ENY2: variants seen among roughly 807,000 people sequenced by gnomAD.
The protein encoded by ENY2 is ENY2 transcription and export complex 2 subunit.
In ENY2, 4 loss-of-function variants were observed where a neutral mutation model predicts 15.9. That is an observed-to-expected ratio of 0.25 (90% confidence interval 0.12 to 0.57). The LOEUF (loss-of-function observed/expected upper bound fraction) is 0.57, where lower values mean the gene tolerates loss of function less well. Among genes scored for constraint, ENY2 ranks in the 20% least tolerant of loss-of-function variants. ENY2 has a pLI of 0.91. For synonymous variants in ENY2, 48 were observed against 38.0 expected, an observed-to-expected ratio of 1.26 and a Z score of -0.97; for missense variants, 54 against 117.2, an observed-to-expected ratio of 0.46 and a Z score of 2.49.
Position 109,343,688 on chromosome 8 carries a change from A to G in ENY2, c.*207A>G, listed in dbSNP as rs569546135. 5 of 498,402 alleles carry G rather than the reference A, an allele frequency of 1.0e-5. No homozygotes were observed. Among genetic ancestry groups the G allele is most frequent in the African/African-American group, 8.0e-5 (4 of 50,162 alleles). 30.9% of individuals were successfully genotyped at this position (498,402 alleles called of 1,614,324 possible). On this transcript the variant is annotated 3_prime_UTR_variant, in exon 5 of 5. Coordinates refer to ENST00000521688, the MANE Select transcript of ENY2 (RefSeq NM_020189.6). ...GAGTTTGAAGTTTGCTTGGATTTTG[A>G]AATGAATGGGACTTTGTCTTTATTA...
Position 109,340,764 on chromosome 8 carries a change from T to C in ENY2, c.229+201T>C, listed in dbSNP as rs1018787306. 5 of 564,722 alleles carry C rather than the reference T, an allele frequency of 8.9e-6. No individual in the cohort carries two copies. The Admixed American group carries it at 1.0e-4, about 12-fold the overall frequency. The allele number at this position is 564,722 out of a possible 1,614,324, so 35.0% of individuals were successfully genotyped here. A position where few individuals can be genotyped will look rare whatever the true frequency, so the allele number is the denominator to read the frequency against. On this transcript the variant is annotated intron_variant, in intron 4 of 4. Coordinates refer to ENST00000521688, the MANE Select transcript of ENY2 (RefSeq NM_020189.6). Reference sequence around the variant, plus strand: ...ATACTAGGTTTCAGTGTTCTTGTACTCTAGAACAGTGCACCAATGCAAGTT... The same window carrying C: ...ATACTAGGTTTCAGTGTTCTTGTACCCTAGAACAGTGCACCAATGCAAGTT...
intron 4 of ENY2, chr8:109,342,568 G>A: frequency 1.8e-6 from 1 of 552,028 alleles, no homozygotes; most frequent in Non-Finnish European, 3.2e-6. Flanking sequence ...GGAGTGCGGT[G>A]GCATGATCAT....
rs1376501671 is a variant in ENY2, at chr8:109,343,582, G to A, written c.*101G>A. 4 of 1,039,258 alleles carry A rather than the reference G, an allele frequency of 3.8e-6. No individual in the cohort carries two copies. The African/African-American group carries it at 4.9e-5, about 13-fold the overall frequency. 64.4% of individuals were successfully genotyped at this position (1,039,258 alleles called of 1,614,324 possible). On this transcript the variant is annotated 3_prime_UTR_variant, in exon 5 of 5. Coordinates refer to ENST00000521688, the MANE Select transcript of ENY2 (RefSeq NM_020189.6). ...AAATAAAATCCTTTTTTGTATGATG[G>A]TATACAGTTTTCAGTAATGATGTAT...
In ENY2 at chr8:109,344,531, A is replaced by G. The variant is rs1437745948; in HGVS notation, c.*1050A>G. The G allele has an allele frequency of 6.6e-6, 1 of 152,284 alleles. No homozygotes were observed. Among genetic ancestry groups the G allele is most frequent in the Non-Finnish European group, 1.5e-5 (1 of 68,106 alleles). The allele number at this position is 152,284 out of a possible 1,614,324, so 9.4% of individuals were successfully genotyped here. On this transcript the variant is annotated 3_prime_UTR_variant, in exon 5 of 5. Coordinates refer to ENST00000521688, the MANE Select transcript of ENY2 (RefSeq NM_020189.6). ...TGGATCAACTTTTTAGAATATCCTC[A>G]CTTCAAACTGACCTTACCTAAAATA...
rs1816169634 is a variant in ENY2, at chr8:109,343,597, T to C, written c.*116T>C. The C allele has an allele frequency of 1.3e-6, 1 of 767,862 alleles. No homozygotes were observed. Among genetic ancestry groups the C allele is most frequent in the Admixed American group, 3.0e-5 (1 of 33,266 alleles). The allele number at this position is 767,862 out of a possible 1,614,324, so 47.6% of individuals were successfully genotyped here. Reference sequence around the variant, plus strand: ...TTGTATGATGGTATACAGTTTTCAGTAATGATGTATACATTGTATTGATTT... The same window carrying C: ...TTGTATGATGGTATACAGTTTTCAGCAATGATGTATACATTGTATTGATTT... On this transcript the variant is annotated 3_prime_UTR_variant, in exon 5 of 5. Transcript: ENST00000521688.
At chr8:109,342,910 GTTCAAAAACTCTCC>G in intron 4 of ENY2, 1 of 498,690 alleles carries the variant, frequency 2.0e-6, no homozygotes, top group Non-Finnish European at 3.5e-6. Context: ...ACCCTTTTAT[GTTCAAAAACTCTCC>G]TTTTCTTCAT....
rs1816206549 is a variant in ENY2, at chr8:109,344,982, T to A, written c.*1501T>A. 6.6e-6 allele frequency: 1 copy of A among 152,186 alleles called. No homozygotes were observed. Among genetic ancestry groups the A allele is most frequent in the Non-Finnish European group, 1.5e-5 (1 of 68,038 alleles). 9.4% of individuals were successfully genotyped at this position (152,186 alleles called of 1,614,324 possible). On this transcript the variant is annotated 3_prime_UTR_variant, in exon 5 of 5. Transcript: ENST00000521688. ...CATTCAGCATTAACACATAGGCCCT[T>A]CTTGATCTGACATCGTGTTTCTCTA... is the stretch of plus-strand genomic sequence containing the variant.
rs1586333818 is a variant in ENY2, at chr8:109,345,675, T to C, written c.*2194T>C. ...GGATAGTTCTTATTTCATAGTACTG[T>C]ATATGGAAATAAACCAAATTTGCTC... On this transcript the variant is annotated 3_prime_UTR_variant, in exon 5 of 5. Transcript: ENST00000521688. The C allele has an allele frequency of 6.6e-6, 1 of 152,198 alleles. No individual in the cohort carries two copies. The highest frequency in any genetic ancestry group is 2.4e-5 in the African/African-American group (1 of 41,460). The allele number at this position is 152,198 out of a possible 1,614,324, so 9.4% of individuals were successfully genotyped here. A position where few individuals can be genotyped will look rare whatever the true frequency, so the allele number is the denominator to read the frequency against.
At chr8:109,338,335 G>A (rs1446800762) in intron 2 of ENY2, 3 of 152,216 alleles carry the variant, frequency 2.0e-5, no homozygotes, top group East Asian at 1.9e-4. Flanking sequence ...TGGATGTGTA[G>A]TGTTAACAAG....
In ENY2 at chr8:109,334,383, C is replaced by T; in HGVS notation, c.-86C>T. The T allele has an allele frequency of 6.3e-7, 1 of 1,596,310 alleles. No homozygotes were observed. Among genetic ancestry groups the T allele is most frequent in the South Asian group, 1.1e-5 (1 of 89,648 alleles). On this transcript the variant is annotated 5_prime_UTR_variant, in exon 1 of 5. Coordinates refer to ENST00000521688, the MANE Select transcript of ENY2 (RefSeq NM_020189.6). ...TGCCCGAGCTACTGAGGGTCTAAGT[C>T]CGGGCAGCCGAAGAGTGTGGTAGGT...
intron 4 of ENY2, 110 bp downstream of exon 4, chr8:109,340,673 T>C: frequency 7.1e-7 from 1 of 1,404,700 alleles, no homozygotes; most frequent in Non-Finnish European, 9.7e-7. Flanking sequence ...ACTACCTGTG[T>C]TGCCTCTTGT....
chr8:109,334,459 G>A lies in ENY2; in HGVS notation c.-10G>A, dbSNP rs1815906047. 1.2e-6 allele frequency: 2 copies of A among 1,613,804 alleles called. No individual in the cohort carries two copies. On this transcript the variant is annotated 5_prime_UTR_variant, in exon 1 of 5. Transcript: ENST00000521688. ...TCGTCGCTGGGAAGGGACGGCCCTCGCCCGCGGTGATGGTGGTGAGCTATG... is the reference window on the plus strand; with the variant it reads ...TCGTCGCTGGGAAGGGACGGCCCTCACCCGCGGTGATGGTGGTGAGCTATG...
At chr8:109,340,265 T>G in intron 3 of ENY2, 1 of 530,338 alleles carries the variant, frequency 1.9e-6, no homozygotes, top group Non-Finnish European at 3.3e-6. Flanking sequence ...AGTGTCACAA[T>G]TATTTAGTTG....
In ENY2 at chr8:109,336,074, A is replaced by G. The variant is rs1272777101; in HGVS notation, c.7-54A>G. The G allele has an allele frequency of 1.2e-5, 19 of 1,547,096 alleles. No homozygotes were observed. In the South Asian group the frequency reaches 1.9e-4, roughly 16 times the overall value. The stretch of plus-strand genomic sequence containing the variant: ...GTTAGGATGCCTGCCTAGAGGATTT[A>G]GCAGAAAATGCTTTGTAAATGTTCT... On this transcript the variant is annotated intron_variant, in intron 1 of 4. Coordinates refer to ENST00000521688, the MANE Select transcript of ENY2 (RefSeq NM_020189.6).
At chr8:109,337,747 C>G (rs1418046049) in intron 2 of ENY2, among the ~76,000 whole-genome samples, 1 of 151,984 alleles carries the variant, frequency 6.6e-6, no homozygotes, top group Admixed American at 6.6e-5. Context: ...ACTGAAAATA[C>G]AAAAATTAGC....
At position 109,334,362 on chromosome 8, in the gene ENY2, C is replaced by A. The variant is rs1815901617; in HGVS notation, c.-107C>A. 2.6e-6 allele frequency: 4 copies of A among 1,532,002 alleles called. No individual in the cohort carries two copies. The highest frequency in any genetic ancestry group is 3.6e-6 in the Non-Finnish European group (4 of 1,114,938). 94.9% of individuals were successfully genotyped at this position (1,532,002 alleles called of 1,614,324 possible). On this transcript the variant is annotated 5_prime_UTR_variant, in exon 1 of 5. Transcript: ENST00000521688. ...CTAGCTTTCTGTGTGCTTAGGTGCC[C>A]GAGCTACTGAGGGTCTAAGTCCGGG...
chr8:109,337,447 A>G (rs1232955194), intron 2 of ENY2, among the ~76,000 whole-genome samples: 1 of 152,098 alleles, frequency 6.6e-6, no homozygotes, highest in Admixed American at 6.5e-5. Context: ...GTTGGAGGTA[A>G]CAGTAGTAGA....
At chr8:109,335,961 C>A in intron 1 of ENY2, 167 bp from the exon 2 acceptor site, 1 of 576,564 alleles carries the variant, frequency 1.7e-6, no homozygotes, top group Non-Finnish European at 3.0e-6. Context: ...TAGCCCAGTG[C>A]CAAGCACATA....
intron 1 of ENY2, chr8:109,335,121 A>G (rs1815933026): frequency 6.6e-6 from 1 of 152,164 alleles, no homozygotes; most frequent in African/African-American, 2.4e-5. Flanking sequence ...TCAAAACCTA[A>G]CTTTCCTCTT....
Sources: allele counts gnomAD v4.1 joint callset (sites outside exome capture counted in the v4.1 genomes callset), GRCh38; gene constraint gnomAD v4.1.1; transcripts MANE v1.5; gene names NCBI Gene and HGNC (gene_info 2026-07-23, HGNC 2026-07-21).